The following GPRIN1 variants were observed in gnomAD, a reference collection of about 807,000 sequenced individuals.
GPRIN1 encodes G protein regulated inducer of neurite outgrowth 1, also known as G protein-regulated inducer of neurite outgrowth 1.
GPRIN1 carries 4 observed loss-of-function variants against 2.8 expected under a neutral mutation model. The ratio of observed to expected loss-of-function variants is 1.45; its 90% CI spans 0.71 to 3.32. GPRIN1 has a LOEUF of 3.32. Among genes scored for constraint, GPRIN1 ranks in the 30% most tolerant of loss-of-function variants. The probability of loss-of-function intolerance (pLI) is 0.01; values close to 1 mark genes in which losing one functional copy is unlikely to be tolerated. For missense variants in GPRIN1, 1,322 were observed against 1,343.4 expected (o/e 0.98, Z 0.25); for synonymous variants, 589 against 589.9 (o/e 1.00, Z 0.02).
intron 1 of GPRIN1, among the ~76,000 whole-genome samples, chr5:176,603,344 T>C (rs1759175463): frequency 6.6e-6 from 1 of 152,176 alleles, no homozygotes; most frequent in Non-Finnish European, 1.5e-5. Context: ...TTATTACACC[T>C]TCAGATCTCC....
chr5:176,598,622 A>G lies in GPRIN1; in HGVS notation c.1213T>C (p.Leu405=). 1.9e-6 allele frequency: 3 copies of G among 1,614,152 alleles called. No individual in the cohort carries two copies. The highest frequency in any genetic ancestry group is 1.6e-4 in the Middle Eastern group (1 of 6,062). Residue 405 remains leucine, a synonymous_variant, in exon 2 of 2, where the codon TTG becomes CTG. Transcript: ENST00000303991. The stretch of plus-strand genomic sequence containing the variant: ...GAAGACATGGGATCCACATTTTTCA[A>G]AGATGTGAGATCTGTCTTTGCTGAA... ...TASAKTDLTS[L]KNVDPMSSGK... is the part of the protein sequence containing the mutation.
In GPRIN1 at chr5:176,597,629, G is replaced by T. The variant is rs769996555; in HGVS notation, c.2206C>A (p.Arg736=). The change falls in exon 2 of 2, where the codon CGG becomes AGG. Residue 736 remains arginine, a synonymous_variant. Transcript: ENST00000303991. The surrounding 1 kb of genome is among the most constrained non-coding windows in gnomAD (Gnocchi z 6.1). ...QLDRKALGSA[R]SPEGARGSEG... is the part of the protein sequence containing the mutation. ...CTGCCCCTGGCACCCTCGGGAGACC[G>T]GGCTGAGCCGAGGGCTTTGCGGTCT... is the stretch of plus-strand genomic sequence containing the variant. 2 of 1,600,792 alleles carry T rather than the reference G, an allele frequency of 1.2e-6. No individual in the cohort carries two copies. Among genetic ancestry groups the T allele is most frequent in the Non-Finnish European group, 1.7e-6 (2 of 1,178,174 alleles).
At chr5:176,609,179 G>C (rs564624457) in intron 1 of GPRIN1, among the ~76,000 whole-genome samples, 1 of 152,336 alleles carries the variant, frequency 6.6e-6, no homozygotes, top group South Asian at 2.1e-4. Flanking sequence ...GTGTGCACAA[G>C]GGTGGCAGTC....
chr5:176,597,360 G>T lies in GPRIN1; in HGVS notation c.2475C>A (p.Ala825=). 1 of 1,262,808 alleles carries T rather than the reference G, an allele frequency of 7.9e-7. No homozygotes were observed. Among genetic ancestry groups the T allele is most frequent in the South Asian group, 3.0e-5 (1 of 33,602 alleles). 78.2% of individuals were successfully genotyped at this position (1,262,808 alleles called of 1,614,324 possible). A position where few individuals can be genotyped will look rare whatever the true frequency, so the allele number is the denominator to read the frequency against. Residue 825 remains alanine (A), a synonymous_variant, in exon 2 of 2, where the codon GCC becomes GCA. Transcript: ENST00000303991. This position sits in a 1 kb window ranked among gnomAD's most constrained non-coding sequence, Gnocchi z 6.1. ...QAGAQACVSV[A]VSPMSPQDGA... ...CGTCCTGCGGAGACATGGGGCTCAC[G>T]GCCACTGAGACGCAGGCCTGCGCGC...
intron 1 of GPRIN1, among the ~76,000 whole-genome samples, chr5:176,607,901 CTCTTTTTTTTTTTTTTTTTTTT>C (rs1759246418): frequency 1.0e-5 from 1 of 95,940 alleles, no homozygotes; most frequent in African/African-American, 3.8e-5. Flanking sequence ...TGACACTTGG[CTCTTTTTTTTTTTTTTTTTTTT>C]TTTTTTTTTT....
chr5:176,598,154 C>T lies in GPRIN1; in HGVS notation c.1681G>A (p.Ala561Thr), dbSNP rs199526684. 2.9e-5 allele frequency: 47 copies of T among 1,612,778 alleles called. No individual in the cohort carries two copies. Among genetic ancestry groups the T allele is most frequent in the Non-Finnish European group, 3.7e-5 (44 of 1,180,004 alleles). Residue 561 changes from alanine (A) to threonine (T), a missense_variant, in exon 2 of 2, where the codon GCT becomes ACT. This residue lies in a region of GPRIN1 where 1,117 missense variants were observed against 1,128.6 expected (regional missense o/e 0.99). Transcript: ENST00000303991. ...EDPVSKGKAD[A>T]GPSGQGDSVS... is the part of the protein sequence containing the mutation. The stretch of plus-strand genomic sequence containing the variant: ...GAGTCCCCTTGTCCAGAGGGGCCAG[C>T]GTCTGCCTTTCCCTTGCTCACAGGG...
rs1759157893 is a variant in GPRIN1 at position 176,602,190 on chromosome 5, G to A, written c.-43-2313C>T. Reference sequence around the variant, plus strand: ...TTGGCGCTGCCTGCTTCTTCTGCATGGAGAGATTTCTCTCCAAATATCTGC... The same window carrying A: ...TTGGCGCTGCCTGCTTCTTCTGCATAGAGAGATTTCTCTCCAAATATCTGC... On this transcript the variant is annotated intron_variant, in intron 1 of 1. Coordinates refer to ENST00000303991, the MANE Select transcript of GPRIN1 (RefSeq NM_052899.3). This position sits in a 1 kb window ranked among gnomAD's most constrained non-coding sequence, Gnocchi z 4.4. 6.6e-6 allele frequency among the ~76,000 whole-genome samples: 1 copy of A among 152,134 alleles called. No individual in the cohort carries two copies. The highest frequency in any genetic ancestry group is 6.6e-5 in the Admixed American group (1 of 15,266).
Position 176,597,384 on chromosome 5 carries a change from G to C in GPRIN1, c.2451C>G (p.Gly817=). ...CGGCCACTGAGACGCAGGCCTGCGC[G>C]CCCGCCTGAGTGCCCGCGTCCTCGC... The part of the protein sequence containing the change: ...PPREDAGTQA[G]AQACVSVAVS... Residue 817 remains glycine (G), a synonymous_variant, in exon 2 of 2, where the codon GGC becomes GGG. Transcript: ENST00000303991. The surrounding 1 kb of genome is among the most constrained non-coding windows in gnomAD (Gnocchi z 6.1). The C allele has an allele frequency of 7.8e-7, 1 of 1,278,656 alleles. No homozygotes were observed. The highest frequency in any genetic ancestry group is 9.8e-7 in the Non-Finnish European group (1 of 1,016,594). 79.2% of individuals were successfully genotyped at this position (1,278,656 alleles called of 1,614,324 possible).
rs1759020496 is a variant in GPRIN1 at position 176,595,842 on chromosome 5, T to A, written c.*966A>T. The A allele has an allele frequency of 4.6e-6, 3 of 645,712 alleles. No homozygotes were observed. In the East Asian group the frequency reaches 1.0e-4, roughly 22 times the overall value. 40.0% of individuals were successfully genotyped at this position (645,712 alleles called of 1,614,324 possible). A position where few individuals can be genotyped will look rare whatever the true frequency, so the allele number is the denominator to read the frequency against. On this transcript the variant is annotated 3_prime_UTR_variant, in exon 2 of 2. Coordinates refer to ENST00000303991, the MANE Select transcript of GPRIN1 (RefSeq NM_052899.3). ...ATTACCAATGTATACTGTGACAGTT[T>A]GTAGCCAAAAACTGCGGCTGGAGGG...
At position 176,596,800 on chromosome 5, in the gene GPRIN1, G is replaced by A; in HGVS notation, c.*8C>T. On this transcript the variant is annotated 3_prime_UTR_variant, in exon 2 of 2. Transcript: ENST00000303991. This position sits in a 1 kb window ranked among gnomAD's most constrained non-coding sequence, Gnocchi z 5.2. ...GTCGGAAACTCGGGCGTACAAAATG[G>A]GGGCAGATCACTCGGCCGTGGGTCC... 1 of 1,428,554 alleles carries A rather than the reference G, an allele frequency of 7.0e-7. No homozygotes were observed. Among genetic ancestry groups the A allele is most frequent in the South Asian group, 1.5e-5 (1 of 66,582 alleles). The allele number at this position is 1,428,554 out of a possible 1,614,324, so 88.5% of individuals were successfully genotyped here.
intron 1 of GPRIN1, among the ~76,000 whole-genome samples, 162 bp downstream of exon 1, chr5:176,609,837 C>G (rs1484608980): frequency 6.6e-6 from 1 of 150,582 alleles, no homozygotes; most frequent in Non-Finnish European, 1.5e-5. Context: ...CCACCGCCCC[C>G]AGCCGCGCGC....
In GPRIN1 at chr5:176,597,234, C is replaced by T. The variant is rs752249341; in HGVS notation, c.2601G>A (p.Glu867=). Reference sequence around the variant, plus strand: ...TGGGCCCAGTGGCCACGGAGCGCGTCTCGGCGGCGCCCAGCGACACCTGCA... The same window carrying T: ...TGGGCCCAGTGGCCACGGAGCGCGTTTCGGCGGCGCCCAGCGACACCTGCA... The part of the protein sequence containing the change: ...AGLQVSLGAA[E]TRSVATGPMT... The change falls in exon 2 of 2, where the codon GAG becomes GAA. Residue 867 remains glutamate, a synonymous_variant. Coordinates refer to ENST00000303991, the MANE Select transcript of GPRIN1 (RefSeq NM_052899.3). The surrounding 1 kb of genome is among the most constrained non-coding windows in gnomAD (Gnocchi z 6.1). 3.2e-6 allele frequency: 4 copies of T among 1,256,536 alleles called. No homozygotes were observed. The South Asian group carries it at 1.2e-4, about 38-fold the overall frequency. The allele number at this position is 1,256,536 out of a possible 1,614,324, so 77.8% of individuals were successfully genotyped here.
In GPRIN1 at chr5:176,599,556, G is replaced by T. The variant is rs775115831; in HGVS notation, c.279C>A (p.Cys93Ter). 5.0e-6 allele frequency: 8 copies of T among 1,586,282 alleles called. No homozygotes were observed. The East Asian group carries it at 1.3e-4, about 27-fold the overall frequency. The change falls in exon 2 of 2, where the codon TGC (cysteine) becomes TGA (stop). Residue 93 changes from cysteine to a stop codon, truncating the protein, a stop_gained. Transcript: ENST00000303991. LOFTEE classifies it low-confidence loss of function (END_TRUNC). ...GGGGAGAGAAGCAGGTTGGGGAGGG[G>T]CAGGCCAGGCTCCCTCTGGGGCCGT... ...CSDGPRGSLA[C>*]PSPTCFSPQE...
chr5:176,598,137 T>A lies in GPRIN1; in HGVS notation c.1698A>T (p.Gln566His), dbSNP rs754248850. 6.2e-7 allele frequency: 1 copy of A among 1,612,964 alleles called. No individual in the cohort carries two copies. The highest frequency in any genetic ancestry group is 1.1e-5 in the South Asian group (1 of 91,082). ...KGKADAGPSG[Q>H]GDSVSIGKVV... is the part of the protein sequence containing the mutation. ...CTTTACCTATAGACACAGAGTCCCC[T>A]TGTCCAGAGGGGCCAGCGTCTGCCT... Residue 566 changes from glutamine to histidine, a missense_variant, in exon 2 of 2, where the codon CAA becomes CAT. Around this residue, in one of 3 missense-constraint regions of GPRIN1, gnomAD observed 1,117 missense variants for 1,128.6 expected, o/e 0.99. Coordinates refer to ENST00000303991, the MANE Select transcript of GPRIN1 (RefSeq NM_052899.3).
chr5:176,598,906 G>A lies in GPRIN1; in HGVS notation c.929C>T (p.Thr310Ile). Residue 310 changes from threonine to isoleucine, a missense_variant, in exon 2 of 2, where the codon ACA becomes ATA. Physicochemically the swap from Thr to Ile is moderately conservative, Grantham distance 89. This residue lies in a region of GPRIN1 where 1,117 missense variants were observed against 1,128.6 expected (regional missense o/e 0.99). Coordinates refer to ENST00000303991, the MANE Select transcript of GPRIN1 (RefSeq NM_052899.3). ...MPLESMDSASTGKTEPGLLGK... is the reference protein window; with the variant it reads ...MPLESMDSASIGKTEPGLLGK... ...CAGGAGCCCCGGCTCTGTCTTTCCT[G>A]TGGACGCAGAATCCATGCTTTCCAA... The A allele has an allele frequency of 6.2e-7, 1 of 1,614,086 alleles. No individual in the cohort carries two copies. The highest frequency in any genetic ancestry group is 8.5e-7 in the Non-Finnish European group (1 of 1,179,978).
chr5:176,596,923 A>AT lies in GPRIN1; in HGVS notation c.2911_2912insA (p.Val971AspfsTer62), dbSNP rs1759045852. 1 of 1,216,324 alleles carries AT rather than the reference A, an allele frequency of 8.2e-7. No homozygotes were observed. Among genetic ancestry groups the AT allele is most frequent in the Non-Finnish European group, 1.0e-6 (1 of 979,612 alleles). 75.3% of individuals were successfully genotyped at this position (1,216,324 alleles called of 1,614,324 possible). On this transcript the variant is annotated frameshift_variant, in exon 2 of 2. Coordinates refer to ENST00000303991, the MANE Select transcript of GPRIN1 (RefSeq NM_052899.3). LOFTEE classifies it high-confidence loss of function. This position sits in a 1 kb window ranked among gnomAD's most constrained non-coding sequence, Gnocchi z 5.2. Reference sequence around the variant, plus strand: ...GGCGCCATCTGGGGGCGCGGTGCGCACCGAGCCCGAACGGCCGGGGCCGGC... The same window carrying AT: ...GGCGCCATCTGGGGGCGCGGTGCGCATCCGAGCCCGAACGGCCGGGGCCGGC...
chr5:176,607,700 TC>T (rs1759241586), intron 1 of GPRIN1, among the ~76,000 whole-genome samples: 1 of 151,772 alleles, frequency 6.6e-6, no homozygotes, highest in East Asian at 1.9e-4. Flanking sequence ...GGCATTATCA[TC>T]CCATTTCACA....
rs1388440786 is a variant in GPRIN1 at position 176,597,309 on chromosome 5, G to A, written c.2526C>T (p.Phe842=). The change falls in exon 2 of 2, where the codon TTC becomes TTT. Residue 842 remains phenylalanine (F), a synonymous_variant. Transcript: ENST00000303991. The surrounding 1 kb of genome is among the most constrained non-coding windows in gnomAD (Gnocchi z 6.1). ...QDGAGGSAFS[F]QAAPRAPSPP... ...GGCTGGGCGCGCGCGGCGCCGCCTG[G>A]AAGCTGAAGGCCGAGCCCCCAGCGC... 2 of 1,234,500 alleles carry A rather than the reference G, an allele frequency of 1.6e-6. No individual in the cohort carries two copies. Among genetic ancestry groups the A allele is most frequent in the East Asian group, 6.6e-5 (2 of 30,520 alleles). The allele number at this position is 1,234,500 out of a possible 1,614,324, so 76.5% of individuals were successfully genotyped here. A position where few individuals can be genotyped will look rare whatever the true frequency, so the allele number is the denominator to read the frequency against.
Position 176,597,140 on chromosome 5 carries a change from C to T in GPRIN1, c.2695G>A (p.Ala899Thr). Residue 899 changes from alanine (A) to threonine (T), a missense_variant, in exon 2 of 2, where the codon GCC becomes ACC. Around this residue, in one of 3 missense-constraint regions of GPRIN1, gnomAD observed 196 missense variants for 189.2 expected, o/e 1.04. Coordinates refer to ENST00000303991, the MANE Select transcript of GPRIN1 (RefSeq NM_052899.3). The surrounding 1 kb of genome is among the most constrained non-coding windows in gnomAD (Gnocchi z 6.1). The stretch of plus-strand genomic sequence containing the variant: ...GCCGGCTCCGGGGGCGCTACAGCGG[C>T]CGCCAGCGCTGAGCCGGGCCGCACC... ...VRVRPGSALA[A>T]AVAPPEPAEP... 6.9e-7 allele frequency: 1 copy of T among 1,453,182 alleles called. No individual in the cohort carries two copies. The highest frequency in any genetic ancestry group is 1.4e-5 in the South Asian group (1 of 71,538). 90.0% of individuals were successfully genotyped at this position (1,453,182 alleles called of 1,614,324 possible). A position where few individuals can be genotyped will look rare whatever the true frequency, so the allele number is the denominator to read the frequency against.
Sources: allele counts gnomAD v4.1 joint callset (sites outside exome capture counted in the v4.1 genomes callset), GRCh38; gene constraint gnomAD v4.1.1; regional missense constraint gnomAD v4.1.1; non-coding constraint Gnocchi (gnomAD v3.1); transcripts MANE v1.5; gene names NCBI Gene and HGNC (gene_info 2026-07-23, HGNC 2026-07-21).